Variants in PTPRD observed in about 807,000 individuals in gnomAD.
PTPRD encodes receptor-type tyrosine-protein phosphatase delta.
Under a neutral mutation model 214.5 loss-of-function variants are expected in PTPRD, and 34 were observed. That is an observed-to-expected ratio of 0.16 (90% CI 0.12 to 0.21). The LOEUF (loss-of-function observed/expected upper bound fraction) is 0.21, where lower values mean the gene tolerates loss of function less well. Among genes scored for constraint, PTPRD ranks in the 10% least tolerant of loss-of-function variants. The pLI, the probability that PTPRD is intolerant of heterozygous loss-of-function variation, is 1.00. For synonymous variants in PTPRD, 1,128 were observed against 845.7 expected (o/e 1.33, Z -5.79); for missense variants, 2,545 against 2,398.7 (o/e 1.06, Z -1.27).
At chr9:9,654,722 G>A (rs1433898292) in intron 7 of PTPRD, among the ~76,000 whole-genome samples, 2 of 152,136 alleles carry the variant, frequency 1.3e-5, no homozygotes, top group East Asian at 1.9e-4. Context: ...AGTGTCAAAA[G>A]CAAGACATTG....
chr9:9,648,234 C>G (rs574958297), intron 7 of PTPRD, among the ~76,000 whole-genome samples: 1 of 151,588 alleles, frequency 6.6e-6, no homozygotes, highest in African/African-American at 2.4e-5. Context: ...AAAAAAAACA[C>G]TAAAGTGTAT....
intron 5 of PTPRD, among the ~76,000 whole-genome samples, chr9:9,873,058 G>A (rs561040965): frequency 6.6e-6 from 1 of 152,020 alleles, no homozygotes; most frequent in Non-Finnish European, 1.5e-5. Context: ...TATATAATAG[G>A]ATTAAGATAT....
Position 9,555,997 on chromosome 9 carries a change from G to A in PTPRD, c.-237+18735C>T, listed in dbSNP as rs201354087. ...TTTTATGGCCTTAGATTGTACAGTT[G>A]ACCCTTGAACAATGTGGGGGACCCC... On this transcript the variant is annotated intron_variant, in intron 8 of 45. Transcript: ENST00000381196. Among the ~76,000 whole-genome samples the A allele has an allele frequency of 1.6e-4, 24 of 152,022 alleles. No homozygotes were observed. The East Asian group carries it at 4.5e-3, about 28-fold the overall frequency.
intron 5 of PTPRD, among the ~76,000 whole-genome samples, chr9:9,852,617 C>T (rs2060750529): frequency 6.6e-6 from 1 of 152,002 alleles, no homozygotes. Context: ...TGATAATTTT[C>T]ATATAATCCT....
chr9:9,252,250 G>A (rs926031007), intron 9 of PTPRD, among the ~76,000 whole-genome samples: 4 of 151,944 alleles, frequency 2.6e-5, no homozygotes, highest in Admixed American at 2.6e-4. Flanking sequence ...TACAGGAAAT[G>A]TACATTTATA....
chr9:10,009,473 G>A (rs1401079796), intron 4 of PTPRD, among the ~76,000 whole-genome samples: 1 of 151,946 alleles, frequency 6.6e-6, no homozygotes, highest in Non-Finnish European at 1.5e-5. Flanking sequence ...TTAGCAATTG[G>A]TTGAAAGAGT....
At chr9:9,416,724 GT>G (rs1458035957) in intron 8 of PTPRD, among the ~76,000 whole-genome samples, 1 of 151,936 alleles carries the variant, frequency 6.6e-6, no homozygotes, top group Non-Finnish European at 1.5e-5. Context: ...TCAATCTATT[GT>G]TGTTCTACCC....
intron 35 of PTPRD, among the ~76,000 whole-genome samples, chr9:8,432,082 A>G (rs2095093601): frequency 6.6e-6 from 1 of 152,230 alleles, no homozygotes; most frequent in Non-Finnish European, 1.5e-5. Flanking sequence ...AATGATCTGT[A>G]GGCGCCAGCC....
At chr9:9,292,642 G>T (rs955798941) in intron 9 of PTPRD, among the ~76,000 whole-genome samples, 1 of 151,000 alleles carries the variant, frequency 6.6e-6, no homozygotes, top group African/African-American at 2.4e-5. Context: ...TATTCAGATT[G>T]CCTTAGTTAT....
chr9:10,489,818 T>C (rs529415292), intron 2 of PTPRD, among the ~76,000 whole-genome samples: 319 of 152,184 alleles, frequency 2.1e-3, no homozygotes, highest in African/African-American at 7.1e-3. Flanking sequence ...ATTGGTGTGC[T>C]TTCCTCTCCC....
intron 2 of PTPRD, among the ~76,000 whole-genome samples, chr9:10,422,359 C>T (rs1462790588): frequency 2.0e-5 from 3 of 151,882 alleles, no homozygotes; most frequent in South Asian, 4.2e-4. Context: ...AAAAACCATA[C>T]AGGAAAACCT....
At chr9:9,044,362 G>T (rs1332028024) in intron 10 of PTPRD, among the ~76,000 whole-genome samples, 1 of 152,188 alleles carries the variant, frequency 6.6e-6, no homozygotes, top group Non-Finnish European at 1.5e-5. Flanking sequence ...CACTGTGAGT[G>T]GCCCATGTTA....
intron 2 of PTPRD, among the ~76,000 whole-genome samples, chr9:10,538,060 T>G (rs1048214939): frequency 7.2e-5 from 11 of 152,044 alleles, no homozygotes; most frequent in Admixed American, 1.3e-4. Context: ...AATCTGAGTT[T>G]AGGCTTGTCA....
chr9:8,844,026 T>A (rs1051880575), intron 11 of PTPRD, among the ~76,000 whole-genome samples: 1 of 152,136 alleles, frequency 6.6e-6, no homozygotes, highest in Non-Finnish European at 1.5e-5. Flanking sequence ...CATGGCACAT[T>A]TTACAAGCAG....
intron 2 of PTPRD, among the ~76,000 whole-genome samples, chr9:10,552,747 C>A (rs2131173559): frequency 6.6e-6 from 1 of 152,202 alleles, no homozygotes; most frequent in East Asian, 1.9e-4. Context: ...AAAGAAGTGG[C>A]CATTCTGCTC....
At chr9:9,143,843 G>A (rs2099864168) in intron 10 of PTPRD, among the ~76,000 whole-genome samples, 1 of 152,146 alleles carries the variant, frequency 6.6e-6, no homozygotes, top group Non-Finnish European at 1.5e-5. Flanking sequence ...CTACTAACTT[G>A]GCCAGTTGTA....
chr9:8,776,188 C>G (rs2095466077), intron 11 of PTPRD, among the ~76,000 whole-genome samples: 1 of 152,148 alleles, frequency 6.6e-6, no homozygotes, highest in South Asian at 2.1e-4. Context: ...GATTTTGGGA[C>G]AGTGAAAAGG....
chr9:9,590,131 C>T (rs1230070102), intron 7 of PTPRD, among the ~76,000 whole-genome samples: 1 of 152,024 alleles, frequency 6.6e-6, no homozygotes, highest in Non-Finnish European at 1.5e-5. Flanking sequence ...TTATGCCCAT[C>T]ACTTACTGTA....
chr9:9,937,358 G>A (rs2089912524), intron 5 of PTPRD, among the ~76,000 whole-genome samples: 1 of 127,364 alleles, frequency 7.9e-6, no homozygotes, highest in Admixed American at 8.7e-5. Flanking sequence ...TTAAATATAT[G>A]CCTGCTCCTT....
Sources: allele counts gnomAD v4.1 joint callset (sites outside exome capture counted in the v4.1 genomes callset), GRCh38; gene constraint gnomAD v4.1.1; transcripts MANE v1.5; gene names NCBI Gene and HGNC (gene_info 2026-07-23, HGNC 2026-07-21).